Variants in PCLO observed in about 807,000 individuals in gnomAD.
PCLO encodes the protein piccolo presynaptic cytomatrix protein.
Under a neutral mutation model 427.5 loss-of-function variants are expected in PCLO, and 82 were observed. The observed-to-expected ratio is 0.19, with a 90% CI of 0.16 to 0.23. PCLO has a LOEUF of 0.23. Among genes scored for constraint, PCLO ranks in the 10% least tolerant of loss-of-function variants. PCLO has a pLI of 1.00. For synonymous variants in PCLO, 2,357 were observed against 2,155.4 expected (o/e 1.09, Z -2.59); for missense variants, 6,239 against 6,115.9 (o/e 1.02, Z -0.67).
At position 82,954,899 on chromosome 7, in the gene PCLO, T is replaced by C. The variant is rs114392423; in HGVS notation, c.6054A>G (p.Glu2018=). The C allele has an allele frequency of 5.8e-4, 940 of 1,613,790 alleles. 4 individuals are homozygous for C. The African/African-American group carries it at 0.01, about 18-fold the overall frequency. The change falls in exon 5 of 25, where the codon GAA becomes GAG. Residue 2018 remains glutamate (E), a synonymous_variant. Transcript: ENST00000333891. ...TDLQKEFYEL[E]SLHSVVPQED... Reference sequence around the variant, plus strand: ...CCTGAGGCACAACAGAATGTAAGCTTTCTAACTCATAAAACTCTTTCTGGA... The same window carrying C: ...CCTGAGGCACAACAGAATGTAAGCTCTCTAACTCATAAAACTCTTTCTGGA...
rs190124624 is a variant in PCLO at position 82,953,851 on chromosome 7, C to G, written c.7102G>C (p.Gly2368Arg). ...TTYFTSGETF[G>R]QEKPASQLPS... ...AACTGAGATGCAGGTTTTTCCTGAC[C>G]AAAGGTCTCTCCAGATGTAAAGTAT... is the stretch of plus-strand genomic sequence containing the variant. The change falls in exon 5 of 25, where the codon GGT (glycine) becomes CGT (arginine). Residue 2368 changes from glycine (G) to arginine (R), a missense_variant. Transcript: ENST00000333891. The G allele has an allele frequency of 4.6e-5, 75 of 1,613,418 alleles. No individual in the cohort carries two copies. The African/African-American group carries it at 9.2e-4, about 20-fold the overall frequency.
intron 3 of PCLO, among the ~76,000 whole-genome samples, chr7:83,043,102 C>T (rs1789012518): frequency 6.6e-6 from 1 of 152,102 alleles, no homozygotes; most frequent in Non-Finnish European, 1.5e-5. Context: ...TCAATAGATC[C>T]TAGTAGCATC....
At chr7:82,835,741 G>A (rs1792217470) in intron 15 of PCLO, 48 bp from the exon 16 acceptor site, 3 of 1,417,102 alleles carry the variant, frequency 2.1e-6, no homozygotes, top group African/African-American at 2.8e-5. Context: ...CAGGAAAGTA[G>A]AAAAGACAGG....
At chr7:82,872,033 T>C (rs1793250988) in intron 10 of PCLO, among the ~76,000 whole-genome samples, 1 of 151,908 alleles carries the variant, frequency 6.6e-6, no homozygotes, top group Non-Finnish European at 1.5e-5. Flanking sequence ...AAAAAAAGAA[T>C]AATATATTTA....
chr7:83,138,876 G>A (rs79750952), intron 2 of PCLO, among the ~76,000 whole-genome samples: 15,227 of 151,758 alleles, frequency 0.1, 873 homozygotes, highest in South Asian at 0.16. Flanking sequence ...ACCTAATGTC[G>A]ATAACAGGTT....
chr7:82,793,474 T>C (rs988762715), intron 22 of PCLO, among the ~76,000 whole-genome samples: 1 of 152,108 alleles, frequency 6.6e-6, no homozygotes, highest in Non-Finnish European at 1.5e-5. Context: ...TGTATACCAG[T>C]TCACCTCCCT....
intron 12 of PCLO, among the ~76,000 whole-genome samples, chr7:82,846,348 C>CA (rs1458801920): frequency 6.6e-6 from 1 of 152,138 alleles, no homozygotes; most frequent in Non-Finnish European, 1.5e-5. Context: ...AGGGGACTAA[C>CA]ATGCAAATAT....
At position 82,846,563 on chromosome 7, in the gene PCLO, C is replaced by T. The variant is rs1275575296; in HGVS notation, c.13831+4G>A. On this transcript the variant is annotated splice_donor_region_variant and intron_variant, in intron 12 of 24. Transcript: ENST00000333891. Reference sequence around the variant, plus strand: ...ACAGTTGAAACTAGATTTCTTTTACCTACCAGCTTTTGGTGGCTCATGAAG... The same window carrying T: ...ACAGTTGAAACTAGATTTCTTTTACTTACCAGCTTTTGGTGGCTCATGAAG... The T allele has an allele frequency of 1.3e-6, 2 of 1,592,920 alleles. No individual in the cohort carries two copies. Among genetic ancestry groups the T allele is most frequent in the Non-Finnish European group, 1.7e-6 (2 of 1,163,832 alleles).
Position 82,965,851 on chromosome 7 carries a change from T to A in PCLO, c.3937A>T (p.Thr1313Ser). The change falls in exon 4 of 25, where the codon ACA becomes TCA. Residue 1313 changes from threonine to serine, a missense_variant. By Grantham distance (58) the Thr-to-Ser change is moderately conservative. Coordinates refer to ENST00000333891, the MANE Select transcript of PCLO (RefSeq NM_033026.6). ...PQSLPKEDDK[T>S]TKTIKEQPQP... is the part of the protein sequence containing the mutation. ...GGCTGTTCTTTTATTGTTTTGGTTGTCTTATCATCTTCTTTAGGTAAACTC... is the reference window on the plus strand; with the variant it reads ...GGCTGTTCTTTTATTGTTTTGGTTGACTTATCATCTTCTTTAGGTAAACTC... 1 of 1,613,952 alleles carries A rather than the reference T, an allele frequency of 6.2e-7. No homozygotes were observed. Among genetic ancestry groups the A allele is most frequent in the South Asian group, 1.1e-5 (1 of 91,088 alleles).
intron 10 of PCLO, chr7:82,868,038 T>A: frequency 2.3e-6 from 1 of 436,660 alleles, no homozygotes; most frequent in South Asian, 1.6e-5. Context: ...ATGTGGTCTG[T>A]GTCATGTGTA....
intron 3 of PCLO, among the ~76,000 whole-genome samples, chr7:83,088,562 G>A (rs1288613006): frequency 6.6e-6 from 1 of 152,066 alleles, no homozygotes; most frequent in Non-Finnish European, 1.5e-5. Flanking sequence ...CAGAAGGGCT[G>A]GTGGGTTGAC....
chr7:82,757,671 T>C lies in PCLO; in HGVS notation c.*904A>G, dbSNP rs566070328. 1.3e-4 allele frequency: 20 copies of C among 152,048 alleles called. No homozygotes were observed. The highest frequency in any genetic ancestry group is 4.8e-4 in the African/African-American group (20 of 41,542). The allele number at this position is 152,048 out of a possible 1,614,324, so 9.4% of individuals were successfully genotyped here. ...TATTTGCAGTTTCACAAAGAGTAAGTTATCATGCTTCCTAGAACATATCAG... is the reference window on the plus strand; with the variant it reads ...TATTTGCAGTTTCACAAAGAGTAAGCTATCATGCTTCCTAGAACATATCAG... On this transcript the variant is annotated 3_prime_UTR_variant, in exon 25 of 25. Transcript: ENST00000333891.
In PCLO at chr7:82,783,490, C is replaced by G. The variant is rs180944905; in HGVS notation, c.15007+18028G>C. 4.3e-3 allele frequency among the ~76,000 whole-genome samples: 652 copies of G among 152,080 alleles called. 11 individuals are homozygous for G. The highest frequency in any genetic ancestry group is 3.7e-3 in the Non-Finnish European group (250 of 67,976). On this transcript the variant is annotated intron_variant, in intron 22 of 24. Transcript: ENST00000333891. ...AAAGAAAATTAGCCGGGCATGGTGGCGGGCTCCTGTAGTGCCAGCTACTCA... is the reference window on the plus strand; with the variant it reads ...AAAGAAAATTAGCCGGGCATGGTGGGGGGCTCCTGTAGTGCCAGCTACTCA...
At chr7:83,124,629 A>T (rs1791379174) in intron 3 of PCLO, among the ~76,000 whole-genome samples, 1 of 152,134 alleles carries the variant, frequency 6.6e-6, no homozygotes, top group African/African-American at 2.4e-5. Context: ...CTAAATGTAG[A>T]ACTACTATAC....
chr7:83,000,299 G>A lies in PCLO; in HGVS notation c.3301-33812C>T, dbSNP rs10240319. Reference sequence around the variant, plus strand: ...AGAGAGAGAGAGAGAGAGAGAGAGAGAGAGAGAAAATAAACCAGAGTATAG... The same window carrying A: ...AGAGAGAGAGAGAGAGAGAGAGAGAAAGAGAGAAAATAAACCAGAGTATAG... On this transcript the variant is annotated intron_variant, in intron 3 of 24. Transcript: ENST00000333891. Among the ~76,000 whole-genome samples the A allele has an allele frequency of 1.5e-3, 34 of 22,730 alleles. 1 individual carries two copies. Among genetic ancestry groups the A allele is most frequent in the East Asian group, 7.6e-3 (1 of 132 alleles). The allele number at this position is 22,730 out of a possible 152,430, so 14.9% of individuals were successfully genotyped here.
chr7:83,093,492 A>ATATATATATATATATTTTTT, intron 3 of PCLO, among the ~76,000 whole-genome samples: 1 of 59,322 alleles, frequency 1.7e-5, no homozygotes, highest in Non-Finnish European at 3.3e-5. Flanking sequence ...ATATATATAT[A>ATATATATATATATATTTTTT]TTTTTTTTTT....
At chr7:83,099,656 G>A (rs964249380) in intron 3 of PCLO, among the ~76,000 whole-genome samples, 1 of 152,084 alleles carries the variant, frequency 6.6e-6, no homozygotes, top group Non-Finnish European at 1.5e-5. Flanking sequence ...CTCCTGAAGT[G>A]CAGGGATTAC....
At chr7:82,992,754 T>C (rs1365120919) in intron 3 of PCLO, among the ~76,000 whole-genome samples, 2 of 151,204 alleles carry the variant, frequency 1.3e-5, no homozygotes, top group Admixed American at 6.6e-5. Context: ...GAAGTTAAAG[T>C]AAAAGAAAAA....
At chr7:83,092,148 A>G (rs1790392919) in intron 3 of PCLO, among the ~76,000 whole-genome samples, 1 of 152,238 alleles carries the variant, frequency 6.6e-6, no homozygotes, top group Non-Finnish European at 1.5e-5. Context: ...GGAATAACTT[A>G]GGATGCCCTA....
Sources: allele counts gnomAD v4.1 joint callset (sites outside exome capture counted in the v4.1 genomes callset), GRCh38; gene constraint gnomAD v4.1.1; transcripts MANE v1.5; gene names NCBI Gene and HGNC (gene_info 2026-07-23, HGNC 2026-07-21).